Variants in ANP32B observed in about 807,000 individuals in gnomAD.
ANP32B encodes acidic nuclear phosphoprotein 32 family member B.
A neutral mutation model predicts 32.2 loss-of-function variants in ANP32B; 6 were observed. That is an observed-to-expected ratio of 0.19 (90% CI 0.10 to 0.37). The LOEUF is 0.37. Among genes scored for constraint, ANP32B ranks in the 10% least tolerant of loss-of-function variants. ANP32B has a pLI of 1.00. For synonymous variants in ANP32B, 98 were observed against 105.8 expected (o/e 0.93, Z 0.45); for missense variants, 204 against 289.2 (o/e 0.71, Z 2.14).
chr9:98,014,815 C>T (rs576258366), intron 6 of ANP32B, among the ~76,000 whole-genome samples: 20 of 152,312 alleles, frequency 1.3e-4, no homozygotes, highest in African/African-American at 4.1e-4. Flanking sequence ...TCCAGTGGCA[C>T]AATCTCAGCT....
chr9:97,991,258 G>A (rs1461417790), intron 1 of ANP32B, among the ~76,000 whole-genome samples: 1 of 151,954 alleles, frequency 6.6e-6, no homozygotes, highest in Non-Finnish European at 1.5e-5. Context: ...TCGGACCACA[G>A]GCATGCACCA....
chr9:98,000,081 C>CT (rs1827964832), intron 3 of ANP32B, among the ~76,000 whole-genome samples: 1 of 152,164 alleles, frequency 6.6e-6, no homozygotes, highest in Non-Finnish European at 1.5e-5. Context: ...CTTTTCCTTC[C>CT]TAAACAATTA....
chr9:97,985,962 C>T lies in ANP32B; in HGVS notation c.54+2353C>T, dbSNP rs139390558. ...TCAACCTCCCGCGTAGCTGGGATTA[C>T]AGGCATGCGCCACCATGCTCGGCTA... is the stretch of plus-strand genomic sequence containing the variant. On this transcript the variant is annotated intron_variant, in intron 1 of 6. Transcript: ENST00000339399. Among the ~76,000 whole-genome samples the T allele has an allele frequency of 6.0e-3, 917 of 152,338 alleles. 7 individuals carry two copies. The highest frequency in any genetic ancestry group is 0.01 in the Non-Finnish European group (705 of 68,032).
chr9:98,015,516 AG>A lies in ANP32B; in HGVS notation c.*87del. ...TTGTAGCTGTTTAAAAAAAAAAAAA[AG>A]GTAGCTGTGATACAAACCCCAGGAC... On this transcript the variant is annotated 3_prime_UTR_variant, in exon 7 of 7. Coordinates refer to ENST00000339399, the MANE Select transcript of ANP32B (RefSeq NM_006401.3). 1.4e-6 allele frequency: 2 copies of A among 1,465,818 alleles called. No individual in the cohort carries two copies. The highest frequency in any genetic ancestry group is 1.8e-6 in the Non-Finnish European group (2 of 1,105,722). The allele number at this position is 1,465,818 out of a possible 1,614,324, so 90.8% of individuals were successfully genotyped here. A position where few individuals can be genotyped will look rare whatever the true frequency, so the allele number is the denominator to read the frequency against.
At chr9:97,994,434 A>G (rs999595219) in intron 1 of ANP32B, among the ~76,000 whole-genome samples, 197 bp from the exon 2 acceptor site, 8 of 152,236 alleles carry the variant, frequency 5.3e-5, no homozygotes, top group South Asian at 2.1e-4. Flanking sequence ...ATAATATTCC[A>G]TCTTTGAACC....
intron 1 of ANP32B, among the ~76,000 whole-genome samples, chr9:97,989,569 A>G (rs939423587): frequency 1.3e-5 from 2 of 152,172 alleles, no homozygotes; most frequent in Non-Finnish European, 2.9e-5. Flanking sequence ...AACTTTCTTC[A>G]TTAGATAGCA....
At position 98,006,368 on chromosome 9, in the gene ANP32B, A is replaced by C. The variant is rs1828082643; in HGVS notation, c.517+1215A>C. On this transcript the variant is annotated intron_variant, in intron 4 of 6. Transcript: ENST00000339399. Reference sequence around the variant, plus strand: ...ATCTGATGCTTTTTTTAGTCAGTGCATGGCCTGCCCATTTTTTTATTTACC... The same window carrying C: ...ATCTGATGCTTTTTTTAGTCAGTGCCTGGCCTGCCCATTTTTTTATTTACC... Among the ~76,000 whole-genome samples, 3 of 152,118 alleles carry C rather than the reference A, an allele frequency of 2.0e-5. No homozygotes were observed. In the South Asian group the frequency reaches 6.2e-4, roughly 32 times the overall value.
chr9:97,983,355 G>A lies in ANP32B; in HGVS notation c.-201G>A. ...GCTCCAGCCCCCTTTTCCCTCCATG[G>A]TTTCTCTCCGCTCCCGTGAGTAACT... On this transcript the variant is annotated 5_prime_UTR_variant, in exon 1 of 7. Coordinates refer to ENST00000339399, the MANE Select transcript of ANP32B (RefSeq NM_006401.3). 9.3e-6 allele frequency: 5 copies of A among 539,712 alleles called. No homozygotes were observed. In the South Asian group the frequency reaches 1.1e-4, roughly 12 times the overall value. The allele number at this position is 539,712 out of a possible 1,614,324, so 33.4% of individuals were successfully genotyped here. A position where few individuals can be genotyped will look rare whatever the true frequency, so the allele number is the denominator to read the frequency against.
intron 4 of ANP32B, among the ~76,000 whole-genome samples, chr9:98,010,686 C>A (rs1003766851): frequency 8.5e-5 from 13 of 152,228 alleles, no homozygotes; most frequent in African/African-American, 2.9e-4. Flanking sequence ...GAAGCAAGAA[C>A]TGCCGCACTA....
intron 5 of ANP32B, among the ~76,000 whole-genome samples, chr9:98,012,200 G>A (rs1176963528): frequency 1.3e-5 from 2 of 151,040 alleles, no homozygotes; most frequent in Admixed American, 6.5e-5. Flanking sequence ...CAAATGAACT[G>A]CTTGCTTCTA....
intron 5 of ANP32B, among the ~76,000 whole-genome samples, chr9:98,011,811 G>A (rs1202411634): frequency 6.6e-6 from 1 of 152,186 alleles, no homozygotes; most frequent in African/African-American, 2.4e-5. Flanking sequence ...AGAGTTGGGA[G>A]TACAAAATGA....
intron 1 of ANP32B, among the ~76,000 whole-genome samples, chr9:97,985,005 C>T (rs1420527339): frequency 6.6e-6 from 1 of 150,830 alleles, no homozygotes; most frequent in Non-Finnish European, 1.5e-5. Flanking sequence ...GGGCGTGGGT[C>T]CGACCTGTGG....
At chr9:97,985,075 C>T (rs1256345362) in intron 1 of ANP32B, among the ~76,000 whole-genome samples, 2 of 150,300 alleles carry the variant, frequency 1.3e-5, no homozygotes, top group Admixed American at 6.6e-5. Context: ...AGCCCCCCCC[C>T]CGCCGCGGAC....
rs902329869 is a variant in ANP32B, at chr9:98,015,722, C to T, written c.*291C>T. The T allele has an allele frequency of 6.7e-6, 7 of 1,048,406 alleles. No individual in the cohort carries two copies. In the African/African-American group the frequency reaches 8.4e-5, roughly 13 times the overall value. The allele number at this position is 1,048,406 out of a possible 1,614,324, so 64.9% of individuals were successfully genotyped here. A position where few individuals can be genotyped will look rare whatever the true frequency, so the allele number is the denominator to read the frequency against. ...TGGATAGCTGTGATTGGTGAGTCAACCGTCTGTGGCTACCAGTTACACTGA... is the reference window on the plus strand; with the variant it reads ...TGGATAGCTGTGATTGGTGAGTCAATCGTCTGTGGCTACCAGTTACACTGA... On this transcript the variant is annotated 3_prime_UTR_variant, in exon 7 of 7. Transcript: ENST00000339399.
intron 1 of ANP32B, among the ~76,000 whole-genome samples, chr9:97,988,412 A>G (rs916600826): frequency 5.3e-5 from 8 of 152,116 alleles, no homozygotes; most frequent in Non-Finnish European, 1.0e-4. Flanking sequence ...ACCTAAACAC[A>G]TTGGAGAACC....
chr9:98,014,863 A>G lies in ANP32B; in HGVS notation c.689-501A>G, dbSNP rs185968571. On this transcript the variant is annotated intron_variant, in intron 6 of 6. Transcript: ENST00000339399. Reference sequence around the variant, plus strand: ...CGCCTTCCGGATTCAAGCAATTCTCATGCCTCATCATCCAGAGTAGCTGGG... The same window carrying G: ...CGCCTTCCGGATTCAAGCAATTCTCGTGCCTCATCATCCAGAGTAGCTGGG... 9.2e-5 allele frequency among the ~76,000 whole-genome samples: 14 copies of G among 152,268 alleles called. 1 individual carries two copies. Among genetic ancestry groups the G allele is most frequent in the Admixed American group, 5.9e-4 (9 of 15,292 alleles).
At position 98,011,281 on chromosome 9, in the gene ANP32B, TGAG is replaced by T. The variant is rs1170026980; in HGVS notation, c.531_533del (p.Glu178del). On this transcript the variant is annotated inframe_deletion, in exon 5 of 7. Transcript: ENST00000339399. ...TTGGACTATTTTTAGAAGGAGAAGATGAGGAAGACGAGGACGATGAGGATGGTG... is the reference window on the plus strand; with the variant it reads ...TTGGACTATTTTTAGAAGGAGAAGATGAAGACGAGGACGATGAGGATGGTG... 23 of 1,550,982 alleles carry T rather than the reference TGAG, an allele frequency of 1.5e-5. No individual in the cohort carries two copies. The highest frequency in any genetic ancestry group is 1.1e-4 in the African/African-American group (8 of 72,946).
chr9:98,010,986 T>TA (rs1248471297), intron 4 of ANP32B, among the ~76,000 whole-genome samples: 1 of 152,180 alleles, frequency 6.6e-6, no homozygotes, highest in Non-Finnish European at 1.5e-5. Flanking sequence ...TGCATACCCT[T>TA]ACCTTCTTCC....
At chr9:97,985,207 C>A (rs890219051) in intron 1 of ANP32B, among the ~76,000 whole-genome samples, 2 of 152,074 alleles carry the variant, frequency 1.3e-5, no homozygotes, top group Non-Finnish European at 2.9e-5. Flanking sequence ...GGTTTCGTGC[C>A]CTCAGGTGGC....
Sources: allele counts gnomAD v4.1 joint callset (sites outside exome capture counted in the v4.1 genomes callset), GRCh38; gene constraint gnomAD v4.1.1; transcripts MANE v1.5; gene names NCBI Gene and HGNC (gene_info 2026-07-23, HGNC 2026-07-21).